Variants in SNTG1 observed in about 807,000 individuals in gnomAD.
The protein encoded by SNTG1 is gamma-1-syntrophin.
Under a neutral mutation model 74.7 loss-of-function variants are expected in SNTG1, and 39 were observed. The observed-to-expected ratio is 0.52, with a 90% CI of 0.40 to 0.68. The LOEUF (loss-of-function observed/expected upper bound fraction) is 0.68, where lower values mean the gene tolerates loss of function less well. Among genes scored for constraint, SNTG1 ranks in the 30% least tolerant of loss-of-function variants. SNTG1 has a pLI of 0.00. For missense variants in SNTG1, 685 were observed against 609.5 expected (o/e 1.12, Z -1.30); for synonymous variants, 254 against 217.1 (o/e 1.17, Z -1.49).
intron 1 of SNTG1, among the ~76,000 whole-genome samples, chr8:50,049,982 C>G (rs1819429842): frequency 6.6e-6 from 1 of 151,674 alleles, no homozygotes; most frequent in African/African-American, 2.4e-5. Flanking sequence ...AAATTTATAG[C>G]ACAGAATGTA....
At chr8:50,209,019 G>C (rs942454441) in intron 2 of SNTG1, among the ~76,000 whole-genome samples, 47 of 152,086 alleles carry the variant, frequency 3.1e-4, no homozygotes, top group African/African-American at 1.1e-3. Context: ...TGGAAAATCG[G>C]TACATTCCCA....
intron 17 of SNTG1, among the ~76,000 whole-genome samples, chr8:50,736,226 T>TA (rs1246702963): frequency 6.6e-6 from 1 of 151,028 alleles, no homozygotes; most frequent in Non-Finnish European, 1.5e-5. Context: ...ATGGGCAAAA[T>TA]AACCAGCTAG....
chr8:50,484,020 T>A (rs949949052), intron 8 of SNTG1, among the ~76,000 whole-genome samples: 1 of 152,178 alleles, frequency 6.6e-6, no homozygotes, highest in South Asian at 2.1e-4. Context: ...TTATATCAAA[T>A]ATGTATATAT....
chr8:50,734,570 G>C (rs1585666681), intron 17 of SNTG1, among the ~76,000 whole-genome samples: 1 of 149,900 alleles, frequency 6.7e-6, no homozygotes, highest in East Asian at 2.0e-4. Flanking sequence ...AATGGATTTT[G>C]AACTATGTTG....
chr8:50,162,215 CA>C (rs1294222152), intron 1 of SNTG1, among the ~76,000 whole-genome samples: 2 of 152,106 alleles, frequency 1.3e-5, no homozygotes, highest in Non-Finnish European at 2.9e-5. Flanking sequence ...AATAGTGTCA[CA>C]AAGCCAATGG....
chr8:50,374,240 T>A (rs2092329267), intron 2 of SNTG1, among the ~76,000 whole-genome samples: 1 of 152,226 alleles, frequency 6.6e-6, no homozygotes, highest in Non-Finnish European at 1.5e-5. Context: ...CCTTTTAGCC[T>A]TGCTAATAGT....
intron 1 of SNTG1, among the ~76,000 whole-genome samples, chr8:50,076,235 C>G (rs1437656558): frequency 1.3e-5 from 2 of 152,004 alleles, no homozygotes; most frequent in African/African-American, 4.8e-5. Flanking sequence ...AGGTCAAGCC[C>G]TTTTTCTCAG....
intron 1 of SNTG1, among the ~76,000 whole-genome samples, chr8:50,128,262 G>C (rs1704087655): frequency 6.6e-6 from 1 of 152,078 alleles, no homozygotes; most frequent in South Asian, 2.1e-4. Context: ...TAGAGACATA[G>C]TCCAAGCATA....
Position 50,714,785 on chromosome 8 carries a change from A to G in SNTG1, c.1284+5807A>G, listed in dbSNP as rs188201834. 9.0e-4 allele frequency among the ~76,000 whole-genome samples: 137 copies of G among 152,144 alleles called. 1 individual carries two copies. Among genetic ancestry groups the G allele is most frequent in the Middle Eastern group, 6.8e-3 (2 of 294 alleles). ...CATGATCAAGGTCCAGCACAGGCTCAACCACAATCTAATTTACACAGTGGA... is the reference window on the plus strand; with the variant it reads ...CATGATCAAGGTCCAGCACAGGCTCGACCACAATCTAATTTACACAGTGGA... On this transcript the variant is annotated intron_variant, in intron 17 of 18. Transcript: ENST00000642720.
At chr8:50,098,445 T>A (rs2080009585) in intron 1 of SNTG1, among the ~76,000 whole-genome samples, 1 of 152,184 alleles carries the variant, frequency 6.6e-6, no homozygotes, top group Admixed American at 6.5e-5. Context: ...ATCTAACAAC[T>A]ATTTACATAG....
At chr8:50,284,578 C>A (rs1042092540) in intron 2 of SNTG1, among the ~76,000 whole-genome samples, 1 of 152,122 alleles carries the variant, frequency 6.6e-6, no homozygotes, top group African/African-American at 2.4e-5. Context: ...CCTGGAACCA[C>A]AAAATGCTCC....
chr8:50,663,768 T>C (rs1053682716), intron 15 of SNTG1, among the ~76,000 whole-genome samples: 5 of 152,222 alleles, frequency 3.3e-5, no homozygotes, highest in African/African-American at 1.2e-4. Context: ...TTTCATTCTT[T>C]TTTGAAATTA....
intron 15 of SNTG1, among the ~76,000 whole-genome samples, chr8:50,678,755 A>G (rs996047659): frequency 6.6e-6 from 1 of 152,174 alleles, no homozygotes; most frequent in African/African-American, 2.4e-5. Flanking sequence ...ATTATATCCC[A>G]TAACTGGCTC....
intron 15 of SNTG1, among the ~76,000 whole-genome samples, chr8:50,667,146 C>T (rs970278173): frequency 5.7e-4 from 86 of 151,854 alleles, no homozygotes; most frequent in African/African-American, 2.0e-3. Context: ...AAGAGTATAT[C>T]GATATCATTA....
At chr8:50,733,355 A>G (rs534321599) in intron 17 of SNTG1, among the ~76,000 whole-genome samples, 2 of 152,034 alleles carry the variant, frequency 1.3e-5, no homozygotes, top group East Asian at 1.9e-4. Context: ...GGTTGATTCC[A>G]TGTCTTTGCA....
chr8:50,409,420 TTCATA>T (rs2131386592), intron 4 of SNTG1, among the ~76,000 whole-genome samples: 1 of 152,320 alleles, frequency 6.6e-6, no homozygotes, highest in South Asian at 2.1e-4. Context: ...TAGCATTGAG[TTCATA>T]TCAGATAAAA....
intron 18 of SNTG1, among the ~76,000 whole-genome samples, chr8:50,787,011 A>T (rs1438841615): frequency 6.6e-6 from 1 of 151,982 alleles, no homozygotes; most frequent in Non-Finnish European, 1.5e-5. Flanking sequence ...AATTTAAAGC[A>T]CTTGTGCTGA....
Position 50,781,821 on chromosome 8 carries a change from A to G in SNTG1, c.1396-10850A>G, listed in dbSNP as rs943270677. ...GCCTTGATGGTCTTTACAATTTGGC[A>G]TGATTTTGCAGTGGCTGGTACCGTT... On this transcript the variant is annotated intron_variant, in intron 18 of 18. Coordinates refer to ENST00000642720, the MANE Select transcript of SNTG1 (RefSeq NM_018967.5). Among the ~76,000 whole-genome samples, 18 of 152,128 alleles carry G rather than the reference A, an allele frequency of 1.2e-4. 1 individual carries two copies. The highest frequency in any genetic ancestry group is 9.2e-4 in the Admixed American group (14 of 15,278).
chr8:49,974,434 T>C (rs1249334689), intron 1 of SNTG1, among the ~76,000 whole-genome samples: 1 of 152,224 alleles, frequency 6.6e-6, no homozygotes, highest in Non-Finnish European at 1.5e-5. Context: ...GGAATCTATA[T>C]GCCCAAGGGC....
Sources: allele counts gnomAD v4.1 joint callset (sites outside exome capture counted in the v4.1 genomes callset), GRCh38; gene constraint gnomAD v4.1.1; transcripts MANE v1.5; gene names NCBI Gene and HGNC (gene_info 2026-07-23, HGNC 2026-07-21).